Variants in PTPRS observed in about 807,000 individuals in gnomAD.
PTPRS encodes protein tyrosine phosphatase receptor type S.
Under a neutral mutation model 215.3 loss-of-function variants are expected in PTPRS, and 63 were observed. The observed-to-expected ratio is 0.29, with a 90% CI of 0.24 to 0.36. The LOEUF (loss-of-function observed/expected upper bound fraction) is 0.36, where lower values mean the gene tolerates loss of function less well. Among genes scored for constraint, PTPRS ranks in the 10% least tolerant of loss-of-function variants. The probability of loss-of-function intolerance (pLI) is 1.00; values close to 1 mark genes in which losing one functional copy is unlikely to be tolerated. For missense variants in PTPRS, 2,258 were observed against 2,825.8 expected (o/e 0.80, Z 4.56); for synonymous variants, 1,404 against 1,191.4 (o/e 1.18, Z -3.68).
intron 35 of PTPRS, 125 bp from the exon 36 acceptor site, chr19:5,208,516 T>C: frequency 9.7e-7 from 1 of 1,033,512 alleles, no homozygotes; most frequent in Non-Finnish European, 1.3e-6. Flanking sequence ...AGTTTCACTC[T>C]TGTCGCCCAG....
At chr19:5,243,125 CTT>C (rs746936561) in intron 11 of PTPRS, among the ~76,000 whole-genome samples, 6 of 138,012 alleles carry the variant, frequency 4.3e-5, no homozygotes, top group Admixed American at 1.4e-4. Flanking sequence ...GGCTAGCTCT[CTT>C]TTTTTTTTTT....
rs75528506 is a variant in PTPRS at position 5,230,114 on chromosome 19, G to A, written c.2156-430C>T. 2.0e-3 allele frequency among the ~76,000 whole-genome samples: 302 copies of A among 152,324 alleles called. 1 individual carries two copies. The highest frequency in any genetic ancestry group is 7.0e-3 in the African/African-American group (290 of 41,582). On this transcript the variant is annotated intron_variant, in intron 14 of 37. Transcript: ENST00000262963. ...AGGATTTGCACCAGGCAGTCCAGCT[G>A]TATGTTCCTAAATACCCAAGCAGGC... is the stretch of plus-strand genomic sequence containing the variant.
At chr19:5,299,946 G>T (rs924906279) in intron 1 of PTPRS, among the ~76,000 whole-genome samples, 1 of 151,802 alleles carries the variant, frequency 6.6e-6, no homozygotes, top group Non-Finnish European at 1.5e-5. Context: ...CTTAAATGAA[G>T]AAAAATTAAA....
rs1019765228 is a variant in PTPRS, at chr19:5,338,153, T to C, written c.-95+2511A>G. Among the ~76,000 whole-genome samples, 3 of 152,154 alleles carry C rather than the reference T, an allele frequency of 2.0e-5. No individual in the cohort carries two copies. Among genetic ancestry groups the C allele is most frequent in the African/African-American group, 4.8e-5 (2 of 41,444 alleles). On this transcript the variant is annotated intron_variant, in intron 1 of 37. Coordinates refer to ENST00000262963, the MANE Select transcript of PTPRS (RefSeq NM_002850.4). This position sits in a 1 kb window ranked among gnomAD's most constrained non-coding sequence, Gnocchi z 4.2. ...CCACCGCCTCTTGGGACGGCATCTC[T>C]GGACGGCCACTGACAGTACCAGTCT...
intron 1 of PTPRS, among the ~76,000 whole-genome samples, chr19:5,321,761 C>T (rs1313569148): frequency 6.6e-6 from 1 of 151,660 alleles, no homozygotes; most frequent in African/African-American, 2.4e-5. Flanking sequence ...AAATTGTCTC[C>T]ATTTCCAGAT....
intron 1 of PTPRS, among the ~76,000 whole-genome samples, chr19:5,310,287 CACCA>C (rs1430055758): frequency 6.6e-6 from 1 of 151,990 alleles, no homozygotes; most frequent in African/African-American, 2.4e-5. Flanking sequence ...CCCTCCCTGC[CACCA>C]ACCAATTCCT....
intron 4 of PTPRS, among the ~76,000 whole-genome samples, chr19:5,268,323 T>C (rs115294853): frequency 0.016 from 2,500 of 152,230 alleles, 71 homozygotes; most frequent in African/African-American, 0.055. Context: ...CCAAAAATAT[T>C]TACTTCCTGG....
chr19:5,267,122 G>A (rs2046459494), intron 4 of PTPRS, among the ~76,000 whole-genome samples: 1 of 152,082 alleles, frequency 6.6e-6, no homozygotes. Flanking sequence ...AGGTGAGTGA[G>A]TGGCACCAGG....
intron 1 of PTPRS, among the ~76,000 whole-genome samples, chr19:5,307,337 GAATA>G (rs71172710): frequency 3.3e-5 from 5 of 151,630 alleles, no homozygotes; most frequent in East Asian, 3.9e-4. Flanking sequence ...ATGAATGAAT[GAATA>G]AATAAATAAA....
In PTPRS at chr19:5,298,714, C is replaced by A. The variant is rs562717951; in HGVS notation, c.-94-12480G>T. 2.0e-5 allele frequency among the ~76,000 whole-genome samples: 3 copies of A among 152,372 alleles called. No individual in the cohort carries two copies. The East Asian group carries it at 5.8e-4, about 29-fold the overall frequency. ...GGGCATGATGCCCACCACAGGCACG[C>A]CCCAGCTCCATGTCTGCCTTTTTCA... On this transcript the variant is annotated intron_variant, in intron 1 of 37. Coordinates refer to ENST00000262963, the MANE Select transcript of PTPRS (RefSeq NM_002850.4).
At chr19:5,232,348 G>A (rs1238074239) in intron 13 of PTPRS, among the ~76,000 whole-genome samples, 1 of 147,092 alleles carries the variant, frequency 6.8e-6, no homozygotes, top group Non-Finnish European at 1.5e-5. Context: ...TTATGTGCCA[G>A]GCACCATACC....
rs769575525 is a variant in PTPRS at position 5,240,187 on chromosome 19, G to A, written c.1704+12C>T. ...GCCCAGGGCAGGCCAGCCCGTCCCCGCGCTGCCTCACCTCCCGGCCATGGT... is the reference window on the plus strand; with the variant it reads ...GCCCAGGGCAGGCCAGCCCGTCCCCACGCTGCCTCACCTCCCGGCCATGGT... On this transcript the variant is annotated intron_variant, in intron 12 of 37. Transcript: ENST00000262963. 16 of 1,529,860 alleles carry A rather than the reference G, an allele frequency of 1.0e-5. No homozygotes were observed. Among genetic ancestry groups the A allele is most frequent in the African/African-American group, 9.7e-5 (7 of 72,408 alleles). 94.8% of individuals were successfully genotyped at this position (1,529,860 alleles called of 1,614,324 possible).
At chr19:5,291,667 T>TC (rs1417280530) in intron 1 of PTPRS, among the ~76,000 whole-genome samples, 3 of 151,894 alleles carry the variant, frequency 2.0e-5, no homozygotes, top group Non-Finnish European at 4.4e-5. Context: ...CGCATGCAGG[T>TC]CCCCCACCTG....
At chr19:5,323,842 A>G (rs11085126) in intron 1 of PTPRS, among the ~76,000 whole-genome samples, 31,703 of 152,118 alleles carry the variant, frequency 0.21, 3,535 homozygotes, top group Middle Eastern at 0.28. Flanking sequence ...GACTGTGGGA[A>G]TGAGGGCTGG....
chr19:5,207,892 G>C (rs2040510862), intron 37 of PTPRS, 30 bp downstream of exon 37: 7 of 1,609,220 alleles, frequency 4.3e-6, no homozygotes, highest in Non-Finnish European at 5.9e-6. Flanking sequence ...CGTGAGGCCA[G>C]GCTGCCTCCC....
Position 5,245,870 on chromosome 19 carries a change from C to T in PTPRS, c.894G>A (p.Leu298=). The change falls in exon 10 of 38, where the codon CTG becomes CTA. Residue 298 remains leucine (L), a synonymous_variant. Coordinates refer to ENST00000262963, the MANE Select transcript of PTPRS (RefSeq NM_002850.4). The part of the protein sequence containing the change: ...EDDMPVGRNV[L]ELTDVKDSAN... ...CCGAGTCCTTGACATCTGTGAGTTC[C>T]AGCACGTTCCGACCCACGGGCATGT... 2 of 1,614,024 alleles carry T rather than the reference C, an allele frequency of 1.2e-6. No homozygotes were observed. Among genetic ancestry groups the T allele is most frequent in the South Asian group, 2.2e-5 (2 of 91,050 alleles).
At chr19:5,239,814 G>A (rs920481477) in intron 12 of PTPRS, among the ~76,000 whole-genome samples, 5 of 151,988 alleles carry the variant, frequency 3.3e-5, no homozygotes, top group African/African-American at 9.6e-5. Context: ...AAAACACACA[G>A]AAAACAGAGA....
intron 17 of PTPRS, among the ~76,000 whole-genome samples, chr19:5,225,124 C>G (rs1385731604): frequency 6.6e-6 from 1 of 152,050 alleles, no homozygotes; most frequent in Non-Finnish European, 1.5e-5. Context: ...GAAAAAAAAG[C>G]CAGCCCCTTG....
rs1373889158 is a variant in PTPRS at position 5,278,029 on chromosome 19, C to T, written c.92-3685G>A. 6 of 1,200,996 alleles carry T rather than the reference C, an allele frequency of 5.0e-6. No homozygotes were observed. In the East Asian group the frequency reaches 1.2e-4, roughly 24 times the overall value. 74.4% of individuals were successfully genotyped at this position (1,200,996 alleles called of 1,614,324 possible). Reference sequence around the variant, plus strand: ...AACAAATCTCCCTGTGCTGAGATCGCTCACAGTGTTTCCTCCAAGAAACGC... The same window carrying T: ...AACAAATCTCCCTGTGCTGAGATCGTTCACAGTGTTTCCTCCAAGAAACGC... On this transcript the variant is annotated intron_variant, in intron 2 of 37. Coordinates refer to ENST00000262963, the MANE Select transcript of PTPRS (RefSeq NM_002850.4).
Sources: allele counts gnomAD v4.1 joint callset (sites outside exome capture counted in the v4.1 genomes callset), GRCh38; gene constraint gnomAD v4.1.1; non-coding constraint Gnocchi (gnomAD v3.1); transcripts MANE v1.5; gene names NCBI Gene and HGNC (gene_info 2026-07-23, HGNC 2026-07-21).